SYDE1: variants seen among roughly 807,000 people sequenced by gnomAD.
SYDE1 encodes rho GTPase-activating protein SYDE1.
A neutral mutation model predicts 63.3 loss-of-function variants in SYDE1; 34 were observed. The observed-to-expected ratio is 0.54, with a 90% CI of 0.41 to 0.71. The LOEUF is 0.71. Ranked by LOEUF, SYDE1 falls within the 30% of genes least tolerant of loss-of-function variation. The pLI is 0.00. For missense variants in SYDE1, 925 were observed against 1,042.5 expected (o/e 0.89, Z 1.55); for synonymous variants, 467 against 473.4 (o/e 0.99, Z 0.18).
rs1438990602 is a variant in SYDE1 at position 15,109,009 on chromosome 19, A to C, written c.89-47A>C. 1 of 1,445,658 alleles carries C rather than the reference A, an allele frequency of 6.9e-7. No individual in the cohort carries two copies. 89.6% of individuals were successfully genotyped at this position (1,445,658 alleles called of 1,614,324 possible). On this transcript the variant is annotated intron_variant, in intron 1 of 7. Transcript: ENST00000342784. This position sits in a 1 kb window ranked among gnomAD's most constrained non-coding sequence, Gnocchi z 5.0. ...GATCAATTGCACAGGGCTGCTCTGC[A>C]GGCAGTGAGGGGCTGGGTGGGTCTC...
Position 15,111,393 on chromosome 19 carries a change from G to C in SYDE1, c.1371G>C (p.Ala457=). 1 of 1,614,066 alleles carries C rather than the reference G, an allele frequency of 6.2e-7. No individual in the cohort carries two copies. The highest frequency in any genetic ancestry group is 1.7e-5 in the Admixed American group (1 of 60,014). Reference sequence around the variant, plus strand: ...ATGCCTTTGAGCGGGACAGTGCAGCGGTCTGCCTATCTGAGGACCTGTACC... The same window carrying C: ...ATGCCTTTGAGCGGGACAGTGCAGCCGTCTGCCTATCTGAGGACCTGTACC... ...LRDAFERDSA[A]VCLSEDLYPD... is the part of the protein sequence containing the mutation. Residue 457 remains alanine (A), a synonymous_variant, in exon 5 of 8, where the codon GCG becomes GCC. Transcript: ENST00000342784. The surrounding 1 kb of genome is among the most constrained non-coding windows in gnomAD (Gnocchi z 5.5).
chr19:15,110,285 C>T lies in SYDE1; in HGVS notation c.1012C>T (p.Pro338Ser). Residue 338 changes from proline to serine, a missense_variant, in exon 3 of 8, where the codon CCT (proline) becomes TCT (serine). By Grantham distance (74) the Pro-to-Ser change is moderately conservative (BLOSUM62 -1). Transcript: ENST00000342784. The surrounding 1 kb of genome is among the most constrained non-coding windows in gnomAD (Gnocchi z 6.9). ...LLRALVLAWDPGVRRHRPCAQ... is the reference protein window; with the variant it reads ...LLRALVLAWDSGVRRHRPCAQ... The stretch of plus-strand genomic sequence containing the variant: ...GCGCGCCCTGGTGCTTGCGTGGGAC[C>T]CTGGCGTGAGAAGGCACCGGCCCTG... 1 of 1,419,206 alleles carries T rather than the reference C, an allele frequency of 7.0e-7. No individual in the cohort carries two copies. The highest frequency in any genetic ancestry group is 9.2e-7 in the Non-Finnish European group (1 of 1,088,878). The allele number at this position is 1,419,206 out of a possible 1,614,324, so 87.9% of individuals were successfully genotyped here.
Position 15,109,423 on chromosome 19 carries a change from C to T in SYDE1, c.430+26C>T. ...GTAAGAACAAGCTTCCCATCCCCTT[C>T]CCCAAGGTGAGCACCAGCTCCACAT... On this transcript the variant is annotated intron_variant, in intron 2 of 7. Coordinates refer to ENST00000342784, the MANE Select transcript of SYDE1 (RefSeq NM_033025.6). This position sits in a 1 kb window ranked among gnomAD's most constrained non-coding sequence, Gnocchi z 5.0. 33 of 1,513,506 alleles carry T rather than the reference C, an allele frequency of 2.2e-5. No homozygotes were observed. The highest frequency in any genetic ancestry group is 4.6e-5 in the East Asian group (2 of 43,616). 93.8% of individuals were successfully genotyped at this position (1,513,506 alleles called of 1,614,324 possible).
At chr19:15,113,186 T>G (rs2046356675) in intron 7 of SYDE1, among the ~76,000 whole-genome samples, 1 of 152,154 alleles carries the variant, frequency 6.6e-6, no homozygotes, top group Admixed American at 6.5e-5. Flanking sequence ...ATTACAGGCA[T>G]GCACTACCAA....
chr19:15,112,795 G>T (rs916398011), intron 7 of SYDE1, among the ~76,000 whole-genome samples: 10 of 152,194 alleles, frequency 6.6e-5, no homozygotes, highest in African/African-American at 2.4e-4. Flanking sequence ...TATTGCCCAA[G>T]CTGGTCTCAA....
chr19:15,114,452 G>A lies in SYDE1; in HGVS notation c.*489G>A, dbSNP rs2046369414. On this transcript the variant is annotated 3_prime_UTR_variant, in exon 8 of 8. Coordinates refer to ENST00000342784, the MANE Select transcript of SYDE1 (RefSeq NM_033025.6). ...AGACTAGCATGAGGCACTGTTTGTG[G>A]GGGGCAGCCCCTATCCTGGGTTCCA... is the stretch of plus-strand genomic sequence containing the variant. 3 of 162,188 alleles carry A rather than the reference G, an allele frequency of 1.8e-5. No homozygotes were observed. The highest frequency in any genetic ancestry group is 7.2e-5 in the African/African-American group (3 of 41,552). The allele number at this position is 162,188 out of a possible 1,614,324, so 10.0% of individuals were successfully genotyped here. A position where few individuals can be genotyped will look rare whatever the true frequency, so the allele number is the denominator to read the frequency against.
Position 15,108,715 on chromosome 19 carries a change from G to A in SYDE1, c.89-341G>A, listed in dbSNP as rs2046321697. ...AAGCGACTTGCCCAAGGCCACGCAG[G>A]TGCAAAGCTCCATGCCACGGTTATT... On this transcript the variant is annotated intron_variant, in intron 1 of 7. Transcript: ENST00000342784. The surrounding 1 kb of genome is among the most constrained non-coding windows in gnomAD (Gnocchi z 4.3). 1 of 245,910 alleles carries A rather than the reference G, an allele frequency of 4.1e-6. No individual in the cohort carries two copies. The highest frequency in any genetic ancestry group is 5.3e-5 in the Admixed American group (1 of 18,910). The allele number at this position is 245,910 out of a possible 1,614,324, so 15.2% of individuals were successfully genotyped here.
At position 15,111,158 on chromosome 19, in the gene SYDE1, G is replaced by A. The variant is rs2145327079; in HGVS notation, c.1291-155G>A. Among the ~76,000 whole-genome samples, 1 of 152,270 alleles carries A rather than the reference G, an allele frequency of 6.6e-6. No individual in the cohort carries two copies. Among genetic ancestry groups the A allele is most frequent in the East Asian group, 1.9e-4 (1 of 5,174 alleles). Reference sequence around the variant, plus strand: ...GCAGCCAAGACAAGTAGTCCAAGCAGAGGGTTTACAAGGCCAGGTTGTCAA... The same window carrying A: ...GCAGCCAAGACAAGTAGTCCAAGCAAAGGGTTTACAAGGCCAGGTTGTCAA... On this transcript the variant is annotated intron_variant, in intron 4 of 7. Coordinates refer to ENST00000342784, the MANE Select transcript of SYDE1 (RefSeq NM_033025.6). The surrounding 1 kb of genome is among the most constrained non-coding windows in gnomAD (Gnocchi z 5.5).
At position 15,112,585 on chromosome 19, in the gene SYDE1, C is replaced by A; in HGVS notation, c.1804+14C>A. On this transcript the variant is annotated intron_variant, in intron 7 of 7. Coordinates refer to ENST00000342784, the MANE Select transcript of SYDE1 (RefSeq NM_033025.6). ...AGTCTTGGCCAGGTGAGTTCATGCC[C>A]AGGGCCTGCACCACCAATCTGAGCC... is the stretch of plus-strand genomic sequence containing the variant. The A allele has an allele frequency of 6.5e-7, 1 of 1,541,048 alleles. No individual in the cohort carries two copies. The highest frequency in any genetic ancestry group is 1.2e-5 in the South Asian group (1 of 82,834).
chr19:15,107,464 T>G lies in SYDE1; in HGVS notation c.31T>G (p.Ser11Ala), dbSNP rs1412500540. The part of the protein sequence containing the change: MAEPLLRKTF[S>A]RLRGREKLPR... ...CGAGCCGCTACTCAGGAAAACCTTC[T>G]CCCGCCTGCGGGGCCGGGAGAAACT... Residue 11 changes from serine to alanine, a missense_variant, in exon 1 of 8, where the codon TCC becomes GCC. Around this residue, in one of 3 missense-constraint regions of SYDE1, gnomAD observed 599 missense variants for 653.7 expected, o/e 0.92. Transcript: ENST00000342784. 3 of 1,522,472 alleles carry G rather than the reference T, an allele frequency of 2.0e-6. No individual in the cohort carries two copies. Among genetic ancestry groups the G allele is most frequent in the Non-Finnish European group, 2.7e-6 (3 of 1,129,706 alleles). 94.3% of individuals were successfully genotyped at this position (1,522,472 alleles called of 1,614,324 possible).
rs536556954 is a variant in SYDE1, at chr19:15,110,549, C to T, written c.1104C>T (p.Arg368=). Reference sequence around the variant, plus strand: ...GCCAGGCCCAACAGCTGGCCGTGCGCCTGGAGCCTCAGGGGCTGCTGTATG... The same window carrying T: ...GCCAGGCCCAACAGCTGGCCGTGCGTCTGGAGCCTCAGGGGCTGCTGTATG... ...RGCQAQQLAV[R]LEPQGLLYAK... The change falls in exon 4 of 8, where the codon CGC becomes CGT. Residue 368 remains arginine (R), a synonymous_variant. Transcript: ENST00000342784. This position sits in a 1 kb window ranked among gnomAD's most constrained non-coding sequence, Gnocchi z 6.9. 1.9e-6 allele frequency: 3 copies of T among 1,594,192 alleles called. No individual in the cohort carries two copies. Among genetic ancestry groups the T allele is most frequent in the African/African-American group, 2.7e-5 (2 of 74,752 alleles).
rs745525231 is a variant in SYDE1, at chr19:15,111,715, C to T, written c.1501C>T (p.Arg501Trp). ...LYKVVLEAMA[R>W]DPPNRVPPTT... The stretch of plus-strand genomic sequence containing the variant: ...TAAGGTGGTACTGGAGGCCATGGCC[C>T]GGGACCCCCCAAACAGAGTTCCCCC... Residue 501 changes from arginine to tryptophan, a missense_variant, in exon 6 of 8, where the codon CGG (arginine) becomes TGG (tryptophan). Arg to Trp is a moderately radical substitution (Grantham distance 101, BLOSUM62 -3). Coordinates refer to ENST00000342784, the MANE Select transcript of SYDE1 (RefSeq NM_033025.6). The surrounding 1 kb of genome is among the most constrained non-coding windows in gnomAD (Gnocchi z 5.5). 1.5e-5 allele frequency: 24 copies of T among 1,611,910 alleles called. No individual in the cohort carries two copies. The highest frequency in any genetic ancestry group is 1.8e-5 in the Non-Finnish European group (21 of 1,179,002).
intron 7 of SYDE1, 150 bp downstream of exon 7, chr19:15,112,721 CCAACCAAT>C: frequency 1.6e-6 from 1 of 608,186 alleles, no homozygotes. Flanking sequence ...CAGTTCAGAT[CCAACCAAT>C]CTGTCTGTTT....
At position 15,114,765 on chromosome 19, in the gene SYDE1, G is replaced by C. The variant is rs923083040; in HGVS notation, c.*802G>C. 8.9e-6 allele frequency: 2 copies of C among 225,280 alleles called. No individual in the cohort carries two copies. Among genetic ancestry groups the C allele is most frequent in the Admixed American group, 5.2e-5 (1 of 19,274 alleles). 14.0% of individuals were successfully genotyped at this position (225,280 alleles called of 1,614,324 possible). ...TGTGTGTGTGTGTCTGTGAGGACTG[G>C]TGTGCGTGGACACGTCTGAAGCAGG... On this transcript the variant is annotated 3_prime_UTR_variant, in exon 8 of 8. Coordinates refer to ENST00000342784, the MANE Select transcript of SYDE1 (RefSeq NM_033025.6).
intron 1 of SYDE1, 84 bp downstream of exon 1, chr19:15,107,605 T>TGG: frequency 1.2e-6 from 1 of 808,870 alleles, no homozygotes; most frequent in Non-Finnish European, 1.7e-6. Flanking sequence ...GGACAGACGG[T>TGG]GGGGGGGATC....
chr19:15,113,443 A>G, intron 7 of SYDE1, 117 bp from the exon 8 acceptor site: 1 of 1,251,074 alleles, frequency 8.0e-7, no homozygotes, highest in Non-Finnish European at 1.1e-6. Context: ...TCTGCCAGTG[A>G]AAACCTGAAA....
At position 15,109,443 on chromosome 19, in the gene SYDE1, C is replaced by T; in HGVS notation, c.430+46C>T. ...CCCTTCCCCAAGGTGAGCACCAGCT[C>T]CACATCCCTTCCCTTCAGGGTAGCA... On this transcript the variant is annotated intron_variant, in intron 2 of 7. Transcript: ENST00000342784. The surrounding 1 kb of genome is among the most constrained non-coding windows in gnomAD (Gnocchi z 5.0). 3 of 1,490,740 alleles carry T rather than the reference C, an allele frequency of 2.0e-6. No individual in the cohort carries two copies. The highest frequency in any genetic ancestry group is 1.8e-6 in the Non-Finnish European group (2 of 1,120,442). 92.3% of individuals were successfully genotyped at this position (1,490,740 alleles called of 1,614,324 possible). A position where few individuals can be genotyped will look rare whatever the true frequency, so the allele number is the denominator to read the frequency against.
chr19:15,112,710 C>T (rs1409612628), intron 7 of SYDE1, 139 bp downstream of exon 7: 3 of 662,768 alleles, frequency 4.5e-6, no homozygotes, highest in African/African-American at 1.8e-5. Flanking sequence ...GCCTCAGCAA[C>T]CAGTTCAGAT....
At position 15,114,140 on chromosome 19, in the gene SYDE1, C is replaced by T. The variant is rs375845093; in HGVS notation, c.*177C>T. On this transcript the variant is annotated 3_prime_UTR_variant, in exon 8 of 8. Coordinates refer to ENST00000342784, the MANE Select transcript of SYDE1 (RefSeq NM_033025.6). ...AGACTCATTCCCAGTTTCCAGGGCC[C>T]GGTATTTGGACACTAGTTGCCAAGT... The T allele has an allele frequency of 1.1e-4, 68 of 634,886 alleles. 1 individual carries two copies. The highest frequency in any genetic ancestry group is 8.7e-4 in the African/African-American group (47 of 54,286). The allele number at this position is 634,886 out of a possible 1,614,324, so 39.3% of individuals were successfully genotyped here.
Sources: gnomAD v4.1 joint callset for allele counts (sites outside exome capture counted in the v4.1 genomes callset) on GRCh38, gnomAD v4.1.1 for gene constraint, gnomAD v4.1.1 regional missense constraint, Gnocchi (gnomAD v3.1) non-coding constraint, MANE v1.5 for transcripts, NCBI Gene and HGNC (gene_info 2026-07-23, HGNC 2026-07-21) for gene names.